DEPDC5: variants seen among roughly 807,000 people sequenced by gnomAD.
The protein encoded by DEPDC5 is DEP domain containing 5, GATOR1 subcomplex subunit, also known as GATOR1 complex protein DEPDC5.
DEPDC5 carries 73 observed loss-of-function variants against 217.3 expected under a neutral mutation model. That is an observed-to-expected ratio of 0.34 (90% CI 0.28 to 0.41). DEPDC5 has a LOEUF of 0.41. Ranked by LOEUF, DEPDC5 falls within the 10% of genes least tolerant of loss-of-function variation. The pLI is 1.00. For missense variants in DEPDC5, 1,675 were observed against 2,070.1 expected, an observed-to-expected ratio of 0.81 and a Z score of 3.70; for synonymous variants, 733 against 756.7, an observed-to-expected ratio of 0.97 and a Z score of 0.51.
At position 31,907,835 on chromosome 22, in the gene DEPDC5, G is replaced by C; in HGVS notation, c.*1338G>C. ...TCTTGCTGTGCCATCTCACCACGTG[G>C]AGTTCATCACAAGCTCTGTTGATTT... On this transcript the variant is annotated 3_prime_UTR_variant, in exon 43 of 43. Coordinates refer to ENST00000651528, the MANE Select transcript of DEPDC5 (RefSeq NM_001242896.3). 6.6e-6 allele frequency: 1 copy of C among 152,246 alleles called. No individual in the cohort carries two copies. The highest frequency in any genetic ancestry group is 1.9e-4 in the East Asian group (1 of 5,206). 9.4% of individuals were successfully genotyped at this position (152,246 alleles called of 1,614,324 possible). A position where few individuals can be genotyped will look rare whatever the true frequency, so the allele number is the denominator to read the frequency against.
At chr22:31,838,393 C>T (rs1039329168) in intron 26 of DEPDC5, among the ~76,000 whole-genome samples, 4 of 152,050 alleles carry the variant, frequency 2.6e-5, no homozygotes, top group African/African-American at 9.7e-5. Flanking sequence ...AAGCGCGTGC[C>T]ACCATACTTG....
At chr22:31,764,848 AG>A (rs1192449555) in intron 4 of DEPDC5, 126 bp from the exon 5 acceptor site, 2 of 647,850 alleles carry the variant, frequency 3.1e-6, no homozygotes, top group Non-Finnish European at 5.5e-6. Context: ...TGAAAGGAAG[AG>A]ACTGTGTGTT....
At position 31,838,715 on chromosome 22, in the gene DEPDC5, C is replaced by T; in HGVS notation, c.2385C>T (p.Ala795=). 6.2e-7 allele frequency: 1 copy of T among 1,614,056 alleles called. No homozygotes were observed. The highest frequency in any genetic ancestry group is 8.5e-7 in the Non-Finnish European group (1 of 1,180,004). Residue 795 remains alanine (A), a synonymous_variant, in exon 27 of 43, where the codon GCC becomes GCT. Transcript: ENST00000651528. ...ACGAAGATGGTGTGCAGATGACAGC[C>T]CAGCAGGTATTTGAAGAGTTTATTT... ...RRDEDGVQMT[A]QQVFEEFICQ...
At chr22:31,889,026 G>A (rs1189134350) in intron 38 of DEPDC5, among the ~76,000 whole-genome samples, 2 of 152,142 alleles carry the variant, frequency 1.3e-5, no homozygotes, top group African/African-American at 4.8e-5. Flanking sequence ...CTGTACCTGG[G>A]CACCTCTGAT....
chr22:31,800,986 TC>T (rs1277545405), intron 14 of DEPDC5, among the ~76,000 whole-genome samples: 1 of 147,244 alleles, frequency 6.8e-6, no homozygotes, highest in African/African-American at 2.5e-5. Context: ...AAAAAAAAAT[TC>T]TTTTTTTTTT....
At chr22:31,814,707 G>A (rs1290887948) in intron 20 of DEPDC5, 2 of 423,754 alleles carry the variant, frequency 4.7e-6, no homozygotes, top group Non-Finnish European at 4.3e-6. Context: ...AGTGATGAGA[G>A]ATTAATCAGT....
intron 38 of DEPDC5, among the ~76,000 whole-genome samples, chr22:31,881,356 G>A (rs1171478030): frequency 6.6e-6 from 1 of 151,718 alleles, no homozygotes; most frequent in East Asian, 1.9e-4. Context: ...GCTCACTCCA[G>A]CATTGCCTGT....
chr22:31,903,941 T>A (rs773695043), intron 41 of DEPDC5, among the ~76,000 whole-genome samples: 5 of 152,028 alleles, frequency 3.3e-5, no homozygotes. Flanking sequence ...CCTAGAGTAG[T>A]TTCATATGTA....
At chr22:31,815,745 G>A (rs1009942084) in intron 21 of DEPDC5, 10 of 1,013,268 alleles carry the variant, frequency 9.9e-6, no homozygotes, top group East Asian at 3.1e-5. Flanking sequence ...TTCCCAGGCT[G>A]GTCTTGAACT....
chr22:31,897,891 T>C (rs1205960263), intron 40 of DEPDC5, among the ~76,000 whole-genome samples: 1 of 152,174 alleles, frequency 6.6e-6, no homozygotes, highest in African/African-American at 2.4e-5. Context: ...TGAGAGTGTC[T>C]AGAGCTGCCT....
At chr22:31,827,683 C>T (rs945836492) in intron 24 of DEPDC5, among the ~76,000 whole-genome samples, 2 of 151,744 alleles carry the variant, frequency 1.3e-5, no homozygotes, top group East Asian at 1.9e-4. Context: ...CTGCTTGTTA[C>T]GCTCAGTCCT....
chr22:31,832,743 G>T (rs905527568), intron 24 of DEPDC5, among the ~76,000 whole-genome samples: 1 of 152,114 alleles, frequency 6.6e-6, no homozygotes, highest in Non-Finnish European at 1.5e-5. Context: ...TGCATATGTT[G>T]TTTGTCCTTT....
At chr22:31,825,578 C>T (rs1464965556) in intron 24 of DEPDC5, among the ~76,000 whole-genome samples, 1 of 152,112 alleles carries the variant, frequency 6.6e-6, no homozygotes, top group African/African-American at 2.4e-5. Flanking sequence ...CCCATGCTTC[C>T]TCTTCCACTC....
In DEPDC5 at chr22:31,760,853, G is replaced by A. The variant is rs2082328761; in HGVS notation, c.193+151G>A. ...TAACTTTCAATTCAGGCAGTACATG[G>A]GAATGTTTGTTACATGGGTATATTG... is the stretch of plus-strand genomic sequence containing the variant. On this transcript the variant is annotated intron_variant, in intron 4 of 42. Coordinates refer to ENST00000651528, the MANE Select transcript of DEPDC5 (RefSeq NM_001242896.3). The A allele has an allele frequency of 4.4e-6, 3 of 675,890 alleles. 1 individual carries two copies. Among genetic ancestry groups the A allele is most frequent in the Non-Finnish European group, 7.4e-6 (3 of 406,548 alleles). The allele number at this position is 675,890 out of a possible 1,614,324, so 41.9% of individuals were successfully genotyped here.
intron 7 of DEPDC5, among the ~76,000 whole-genome samples, chr22:31,776,969 AT>A (rs367678911): frequency 0.026 from 3,718 of 143,314 alleles, 54 homozygotes; most frequent in African/African-American, 0.042. Flanking sequence ...AATTATTATT[AT>A]TTTTTTTTTT....
chr22:31,768,119 C>T (rs1162653035), intron 6 of DEPDC5, among the ~76,000 whole-genome samples: 3 of 149,188 alleles, frequency 2.0e-5, no homozygotes, highest in African/African-American at 7.4e-5. Context: ...TTCCGTGTTA[C>T]TGGGGAACAG....
At chr22:31,780,359 A>G (rs2084303927) in intron 8 of DEPDC5, among the ~76,000 whole-genome samples, 1 of 152,132 alleles carries the variant, frequency 6.6e-6, no homozygotes, top group Non-Finnish European at 1.5e-5. Flanking sequence ...GATGGGGAAG[A>G]CAGGGAAGAA....
intron 11 of DEPDC5, among the ~76,000 whole-genome samples, chr22:31,792,342 A>T (rs894867115): frequency 6.6e-6 from 1 of 152,044 alleles, no homozygotes; most frequent in Non-Finnish European, 1.5e-5. Flanking sequence ...GCAGTGGCTC[A>T]CGCCTGTAAT....
intron 8 of DEPDC5, among the ~76,000 whole-genome samples, 170 bp from the exon 9 acceptor site, chr22:31,783,737 G>A (rs1434217881): frequency 1.3e-5 from 2 of 152,120 alleles, no homozygotes; most frequent in East Asian, 3.8e-4. Context: ...AAAAATTGTG[G>A]TTAAAAAGCC....
Sources: allele counts gnomAD v4.1 joint callset (sites outside exome capture counted in the v4.1 genomes callset), GRCh38; gene constraint gnomAD v4.1.1; transcripts MANE v1.5; gene names NCBI Gene and HGNC (gene_info 2026-07-23, HGNC 2026-07-21).